ADAMTS20: variants seen among roughly 807,000 people sequenced by gnomAD.
The protein encoded by ADAMTS20 is A disintegrin and metalloproteinase with thrombospondin motifs 20.
Under a neutral mutation model 260.1 loss-of-function variants are expected in ADAMTS20, and 225 were observed. The observed-to-expected ratio is 0.87, with a 90% CI of 0.78 to 0.97. ADAMTS20 has a LOEUF of 0.97. ADAMTS20 is among the 50% of genes least tolerant of loss of function. ADAMTS20 has a pLI of 0.00. For synonymous variants in ADAMTS20, 802 were observed against 769.5 expected (o/e 1.04, Z -0.70); for missense variants, 2,400 against 2,337.7 (o/e 1.03, Z -0.55).
Position 43,551,415 on chromosome 12 carries a change from G to T in ADAMTS20, c.92-145C>A. 2 of 1,114,696 alleles carry T rather than the reference G, an allele frequency of 1.8e-6. No individual in the cohort carries two copies. Among genetic ancestry groups the T allele is most frequent in the Non-Finnish European group, 2.5e-6 (2 of 809,218 alleles). The allele number at this position is 1,114,696 out of a possible 1,614,324, so 69.1% of individuals were successfully genotyped here. A position where few individuals can be genotyped will look rare whatever the true frequency, so the allele number is the denominator to read the frequency against. ...CAAATGCACACATGCTGATGCGCACGCACACACACACACGTGCACTGGGAC... is the reference window on the plus strand; with the variant it reads ...CAAATGCACACATGCTGATGCGCACTCACACACACACACGTGCACTGGGAC... On this transcript the variant is annotated intron_variant, in intron 1 of 38. Transcript: ENST00000389420. This position sits in a 1 kb window ranked among gnomAD's most constrained non-coding sequence, Gnocchi z 4.6.
chr12:43,437,882 C>T (rs7297057), intron 18 of ADAMTS20, among the ~76,000 whole-genome samples: 31,394 of 151,678 alleles, frequency 0.21, 3,720 homozygotes, highest in African/African-American at 0.31. Context: ...GAAAAGAGGG[C>T]CACAGTAGCC....
chr12:43,508,634 A>G (rs1033787258), intron 3 of ADAMTS20, among the ~76,000 whole-genome samples: 1 of 152,162 alleles, frequency 6.6e-6, no homozygotes, highest in African/African-American at 2.4e-5. Flanking sequence ...TTTTGTAGGT[A>G]CATAGCAGGT....
rs1447844182 is a variant in ADAMTS20, at chr12:43,405,228, A to AC, written c.4285-5996dup. ...GGTAACAAAATGAGACCTCATCTCT[A>AC]CAAAAAAAAAAAAAAAAAAAAAAAA... On this transcript the variant is annotated intron_variant, in intron 28 of 38. Transcript: ENST00000389420. Among the ~76,000 whole-genome samples, 197 of 96,792 alleles carry AC rather than the reference A, an allele frequency of 2.0e-3. 15 individuals carry two copies. The highest frequency in any genetic ancestry group is 5.8e-3 in the African/African-American group (153 of 26,458). 63.5% of individuals were successfully genotyped at this position (96,792 alleles called of 152,430 possible). A position where few individuals can be genotyped will look rare whatever the true frequency, so the allele number is the denominator to read the frequency against.
At chr12:43,525,989 T>C (rs1053600780) in intron 3 of ADAMTS20, among the ~76,000 whole-genome samples, 1 of 152,040 alleles carries the variant, frequency 6.6e-6, no homozygotes, top group African/African-American at 2.4e-5. Context: ...CAAGGCAACA[T>C]AGAAACACTA....
At chr12:43,433,737 CACACAA>C (rs748183190) in intron 19 of ADAMTS20, 2 of 404,274 alleles carry the variant, frequency 4.9e-6, no homozygotes, top group African/African-American at 2.8e-5. Context: ...CACACACACA[CACACAA>C]ACCAAATAAC....
At position 43,428,433 on chromosome 12, in the gene ADAMTS20, G is replaced by A. The variant is rs1941375843; in HGVS notation, c.3753C>T (p.Arg1251=). The A allele has an allele frequency of 6.2e-7, 1 of 1,613,796 alleles. No homozygotes were observed. Among genetic ancestry groups the A allele is most frequent in the African/African-American group, 1.3e-5 (1 of 74,894 alleles). The change falls in exon 26 of 39, where the codon CGC becomes CGT. Residue 1251 remains arginine (R), a synonymous_variant. Coordinates refer to ENST00000389420, the MANE Select transcript of ADAMTS20 (RefSeq NM_025003.5). ...GGCTACATTCCTGTTCCATCAAAGG[G>A]CGAACTTCAGGATCACAGTAATTCT... is the stretch of plus-strand genomic sequence containing the variant. The part of the protein sequence containing the change: ...IDENYCDPEV[R]PLMEQECSLA...
At chr12:43,424,963 T>G (rs1330102487) in intron 28 of ADAMTS20, among the ~76,000 whole-genome samples, 1 of 151,992 alleles carries the variant, frequency 6.6e-6, no homozygotes, top group Non-Finnish European at 1.5e-5. Context: ...ACAAAGTGTA[T>G]GCATCCCACA....
intron 11 of ADAMTS20, among the ~76,000 whole-genome samples, chr12:43,461,866 T>C (rs1386514919): frequency 6.6e-6 from 1 of 152,156 alleles, no homozygotes; most frequent in African/African-American, 2.4e-5. Context: ...CAAAGCCAGC[T>C]GAACTGAAAA....
chr12:43,539,157 T>A (rs1169556001), intron 2 of ADAMTS20, among the ~76,000 whole-genome samples: 1 of 152,016 alleles, frequency 6.6e-6, no homozygotes, highest in Non-Finnish European at 1.5e-5. Context: ...TTCACCATCT[T>A]GGCCAGGCTG....
intron 29 of ADAMTS20, among the ~76,000 whole-genome samples, chr12:43,386,946 C>T (rs890918773): frequency 7.2e-5 from 11 of 152,106 alleles, no homozygotes; most frequent in Non-Finnish European, 1.3e-4. Flanking sequence ...TCCTTTAGCT[C>T]GGAGGAGTTT....
rs2137324805 is a variant in ADAMTS20, at chr12:43,439,878, C to G, written c.2463+19G>C. On this transcript the variant is annotated intron_variant, in intron 17 of 38. Transcript: ENST00000389420. Reference sequence around the variant, plus strand: ...ATATAATTAAATCCAAGTGTTATTACTGATGACTGAGAATTTACCTGCAAA... The same window carrying G: ...ATATAATTAAATCCAAGTGTTATTAGTGATGACTGAGAATTTACCTGCAAA... 5.0e-6 allele frequency: 8 copies of G among 1,597,784 alleles called. No homozygotes were observed. Among genetic ancestry groups the G allele is most frequent in the Non-Finnish European group, 6.0e-6 (7 of 1,170,894 alleles).
chr12:43,508,204 A>C (rs2137458384), intron 3 of ADAMTS20, among the ~76,000 whole-genome samples: 1 of 152,334 alleles, frequency 6.6e-6, no homozygotes, highest in East Asian at 1.9e-4. Context: ...AGAACACTGA[A>C]GGAGATGATA....
intron 3 of ADAMTS20, among the ~76,000 whole-genome samples, chr12:43,529,145 A>C (rs1943186738): frequency 6.6e-6 from 1 of 152,154 alleles, no homozygotes; most frequent in Admixed American, 6.5e-5. Context: ...AAAAAGTCAA[A>C]AAACAATAGA....
chr12:43,458,722 C>T (rs997690099), intron 11 of ADAMTS20, among the ~76,000 whole-genome samples: 5 of 152,112 alleles, frequency 3.3e-5, no homozygotes, highest in Non-Finnish European at 5.9e-5. Context: ...TTTGATGGTA[C>T]TATTATATTA....
At chr12:43,405,545 T>G (rs983631332) in intron 28 of ADAMTS20, among the ~76,000 whole-genome samples, 2 of 151,510 alleles carry the variant, frequency 1.3e-5, no homozygotes, top group Non-Finnish European at 2.9e-5. Flanking sequence ...GGTTAAAAAT[T>G]ATGAAACTTA....
At chr12:43,520,916 T>C (rs1943062831) in intron 3 of ADAMTS20, among the ~76,000 whole-genome samples, 1 of 152,158 alleles carries the variant, frequency 6.6e-6, no homozygotes, top group East Asian at 1.9e-4. Context: ...TTTTTTCCAC[T>C]TTAAAAAAAG....
chr12:43,383,062 T>C (rs933153563), intron 31 of ADAMTS20, among the ~76,000 whole-genome samples: 2 of 152,094 alleles, frequency 1.3e-5, no homozygotes, highest in African/African-American at 2.4e-5. Flanking sequence ...ATCACTAATA[T>C]AGAAAACAGG....
At chr12:43,404,310 A>C (rs1216688641) in intron 28 of ADAMTS20, among the ~76,000 whole-genome samples, 1 of 151,994 alleles carries the variant, frequency 6.6e-6, no homozygotes, top group African/African-American at 2.4e-5. Context: ...ATACCAACGC[A>C]CCATGAACCA....
chr12:43,417,704 T>C (rs1941157581), intron 28 of ADAMTS20, among the ~76,000 whole-genome samples: 2 of 152,350 alleles, frequency 1.3e-5, no homozygotes, highest in South Asian at 4.1e-4. Flanking sequence ...GGTGATTCAC[T>C]GGAGTGCCCA....
Sources: allele counts gnomAD v4.1 joint callset (sites outside exome capture counted in the v4.1 genomes callset), GRCh38; gene constraint gnomAD v4.1.1; non-coding constraint Gnocchi (gnomAD v3.1); transcripts MANE v1.5; gene names NCBI Gene and HGNC (gene_info 2026-07-23, HGNC 2026-07-21).